Variants in URM1 observed in about 807,000 individuals in gnomAD.
URM1 encodes the protein ubiquitin related modifier 1, also known as ubiquitin-related modifier 1.
URM1 carries 11 observed loss-of-function variants against 17.7 expected under a neutral mutation model. That is an observed-to-expected ratio of 0.62 (90% CI 0.39 to 1.03). URM1 has a LOEUF of 1.03. Among genes scored for constraint, URM1 ranks in the 50% least tolerant of loss-of-function variants. The probability of loss-of-function intolerance (pLI) is 0.00; values close to 1 mark genes in which losing one functional copy is unlikely to be tolerated. For missense variants in URM1, 128 were observed against 129.2 expected (o/e 0.99, Z 0.04); for synonymous variants, 48 against 50.6 (o/e 0.95, Z 0.22).
intron 2 of URM1, among the ~76,000 whole-genome samples, chr9:128,382,906 C>G (rs1833178238): frequency 6.6e-6 from 1 of 152,136 alleles, no homozygotes; most frequent in Admixed American, 6.5e-5. Flanking sequence ...CTCTGTGATT[C>G]AAGCATCCCT....
intron 1 of URM1, among the ~76,000 whole-genome samples, chr9:128,376,512 A>G (rs1011658336): frequency 2.0e-5 from 3 of 151,866 alleles, no homozygotes; most frequent in Admixed American, 1.3e-4. Context: ...AAATACAAAA[A>G]TTAGCCAGGT....
rs1000044256 is a variant in URM1, at chr9:128,387,142, T to C, written c.107-674T>C. On this transcript the variant is annotated intron_variant, in intron 2 of 4. Transcript: ENST00000372853. This position sits in a 1 kb window ranked among gnomAD's most constrained non-coding sequence, Gnocchi z 4.3. The stretch of plus-strand genomic sequence containing the variant: ...AACCACAAGGAGGCAGATCTCAGTG[T>C]TAGCTGAGCTGGAGAGGCCCTGTCA... Among the ~76,000 whole-genome samples the C allele has an allele frequency of 1.3e-5, 2 of 152,168 alleles. No individual in the cohort carries two copies. The highest frequency in any genetic ancestry group is 2.9e-5 in the Non-Finnish European group (2 of 68,028).
At chr9:128,375,166 A>T (rs532247893) in intron 1 of URM1, among the ~76,000 whole-genome samples, 1 of 152,334 alleles carries the variant, frequency 6.6e-6, no homozygotes, top group South Asian at 2.1e-4. Context: ...GGACTCCCTG[A>T]GGATGAAATG....
chr9:128,378,814 G>C (rs1339941533), intron 2 of URM1, among the ~76,000 whole-genome samples: 1 of 151,592 alleles, frequency 6.6e-6, no homozygotes, highest in African/African-American at 2.4e-5. Flanking sequence ...ACGCATAGCG[G>C]TGCGCGCTTG....
intron 2 of URM1, among the ~76,000 whole-genome samples, chr9:128,383,769 G>A (rs1414705511): frequency 3.3e-5 from 5 of 152,166 alleles, no homozygotes; most frequent in African/African-American, 7.2e-5. Flanking sequence ...AGGTTGTTCC[G>A]TTTCAGTCCC....
chr9:128,373,911 T>C (rs1450678089), intron 1 of URM1, among the ~76,000 whole-genome samples: 1 of 152,188 alleles, frequency 6.6e-6, no homozygotes, highest in Non-Finnish European at 1.5e-5. Flanking sequence ...AATATATATA[T>C]ACGTGTATAT....
intron 2 of URM1, among the ~76,000 whole-genome samples, chr9:128,380,966 A>C (rs1833152110): frequency 6.6e-6 from 1 of 152,144 alleles, no homozygotes; most frequent in African/African-American, 2.4e-5. Flanking sequence ...CTGGGACTAC[A>C]GGTGCCTGCC....
chr9:128,388,963 T>C (rs970677355), intron 3 of URM1: 57 of 1,232,256 alleles, frequency 4.6e-5, no homozygotes, highest in Non-Finnish European at 5.6e-5. Context: ...GTATCACTTA[T>C]CCCATTTTCA....
chr9:128,389,638 T>G, intron 4 of URM1, 28 bp from the exon 5 acceptor site: 1 of 1,612,880 alleles, frequency 6.2e-7, no homozygotes, highest in Non-Finnish European at 8.5e-7. Context: ...GCCCTGAGGG[T>G]CTCCCGCTCC....
At chr9:128,386,121 A>T (rs938573512) in intron 2 of URM1, among the ~76,000 whole-genome samples, 1 of 152,090 alleles carries the variant, frequency 6.6e-6, no homozygotes, top group African/African-American at 2.4e-5. Context: ...TCCTGGTTCC[A>T]TGCAGGCCAG....
At chr9:128,373,722 C>T (rs1211040101) in intron 1 of URM1, among the ~76,000 whole-genome samples, 1 of 152,150 alleles carries the variant, frequency 6.6e-6, no homozygotes. Flanking sequence ...CCCTCTTCCT[C>T]CTTCCCAAGT....
chr9:128,372,861 C>T (rs1270247507), intron 1 of URM1, among the ~76,000 whole-genome samples: 2 of 151,930 alleles, frequency 1.3e-5, no homozygotes, highest in African/African-American at 2.4e-5. Flanking sequence ...ACTGCTTGAG[C>T]CCAAGAATTC....
intron 2 of URM1, among the ~76,000 whole-genome samples, chr9:128,378,372 A>T (rs1290031323): frequency 6.6e-6 from 1 of 151,964 alleles, no homozygotes; most frequent in Non-Finnish European, 1.5e-5. Context: ...TCCTGTCTCT[A>T]TTAAAAATAC....
upstream of URM1, chr9:128,371,371 C>T (rs372620200): frequency 1.9e-6 from 3 of 1,613,090 alleles, no homozygotes; most frequent in African/African-American, 2.7e-5. Flanking sequence ...GCGAGCTCGG[C>T]TTCCTCAACA....
At chr9:128,379,076 C>G (rs1399201899) in intron 2 of URM1, among the ~76,000 whole-genome samples, 1 of 151,960 alleles carries the variant, frequency 6.6e-6, no homozygotes, top group Non-Finnish European at 1.5e-5. Flanking sequence ...CTAGCAAGGG[C>G]TCAGGGATGG....
At position 128,391,304 on chromosome 9, in the gene URM1, CCTG is replaced by C. The variant is rs1833311390; in HGVS notation, c.*1574_*1576del. 1 of 152,296 alleles carries C rather than the reference CCTG, an allele frequency of 6.6e-6. No individual in the cohort carries two copies. The highest frequency in any genetic ancestry group is 2.1e-4 in the South Asian group (1 of 4,832). 9.4% of individuals were successfully genotyped at this position (152,296 alleles called of 1,614,324 possible). A position where few individuals can be genotyped will look rare whatever the true frequency, so the allele number is the denominator to read the frequency against. ...ACATCATTCTTTTGGGGGTAGATGACCTGCTGGCTGGTGGGCTTTTCTCCAGGA... is the reference window on the plus strand; with the variant it reads ...ACATCATTCTTTTGGGGGTAGATGACCTGGCTGGTGGGCTTTTCTCCAGGA... On this transcript the variant is annotated 3_prime_UTR_variant, in exon 5 of 5. Coordinates refer to ENST00000372853, the MANE Select transcript of URM1 (RefSeq NM_030914.4).
At chr9:128,372,118 G>A (rs1158108720) in intron 1 of URM1, among the ~76,000 whole-genome samples, 1 of 152,182 alleles carries the variant, frequency 6.6e-6, no homozygotes, top group Non-Finnish European at 1.5e-5. Context: ...GTCTACCCAA[G>A]GCACTATTTG....
At chr9:128,389,416 C>T (rs780290466) in intron 4 of URM1, 107 bp downstream of exon 4, 17 of 1,602,932 alleles carry the variant, frequency 1.1e-5, no homozygotes, top group Middle Eastern at 1.6e-4. Context: ...GGTAATCCTC[C>T]GCCCCACTCC....
intron 1 of URM1, among the ~76,000 whole-genome samples, chr9:128,376,176 A>G (rs550637282): frequency 3.3e-5 from 5 of 152,210 alleles, no homozygotes; most frequent in African/African-American, 1.2e-4. Flanking sequence ...CCTGGACGAC[A>G]TAGGGAGACC....
Sources: gnomAD v4.1 joint callset for allele counts (sites outside exome capture counted in the v4.1 genomes callset) on GRCh38, gnomAD v4.1.1 for gene constraint, Gnocchi (gnomAD v3.1) non-coding constraint, MANE v1.5 for transcripts, NCBI Gene and HGNC (gene_info 2026-07-23, HGNC 2026-07-21) for gene names.